Variants in PTPRT observed in about 807,000 individuals in gnomAD.
PTPRT encodes the protein receptor-type tyrosine-protein phosphatase T.
A neutral mutation model predicts 176.8 loss-of-function variants in PTPRT; 56 were observed. The ratio of observed to expected loss-of-function variants is 0.32; its 90% CI spans 0.26 to 0.40. The LOEUF (loss-of-function observed/expected upper bound fraction) is 0.40. Ranked by LOEUF, PTPRT falls within the 10% of genes least tolerant of loss-of-function variation. The pLI, the probability that PTPRT is intolerant of heterozygous loss-of-function variation, is 1.00. For missense variants in PTPRT, 1,540 were observed against 1,908.2 expected (o/e 0.81, Z 3.60); for synonymous variants, 783 against 739.0 (o/e 1.06, Z -0.96).
intron 23 of PTPRT, among the ~76,000 whole-genome samples, chr20:42,109,638 G>GTGTC (rs1986834759): frequency 6.6e-6 from 1 of 152,220 alleles, no homozygotes; most frequent in Admixed American, 6.5e-5. Context: ...CTGAGGGCAA[G>GTGTC]TGTCTGGAGA....
intron 6 of PTPRT, among the ~76,000 whole-genome samples, chr20:42,719,843 G>A (rs772913398): frequency 6.6e-6 from 1 of 152,154 alleles, no homozygotes; most frequent in Non-Finnish European, 1.5e-5. Flanking sequence ...TCCCCAGGTA[G>A]ATGGAAACAC....
chr20:43,004,660 T>A (rs1452007902), intron 1 of PTPRT, among the ~76,000 whole-genome samples: 2 of 152,212 alleles, frequency 1.3e-5, no homozygotes, highest in African/African-American at 2.4e-5. Context: ...TATGAAGATC[T>A]TCCTCACAGC....
At chr20:42,498,246 T>TC (rs1337246115) in intron 7 of PTPRT, among the ~76,000 whole-genome samples, 2 of 152,152 alleles carry the variant, frequency 1.3e-5, no homozygotes, top group African/African-American at 2.4e-5. Flanking sequence ...GAACAGACTT[T>TC]CCTTTTGGCC....
chr20:42,569,934 G>A (rs959370585), intron 7 of PTPRT, among the ~76,000 whole-genome samples: 4 of 152,244 alleles, frequency 2.6e-5, no homozygotes, highest in Middle Eastern at 6.8e-3. Context: ...GCTGACTATT[G>A]CAAACTACTA....
chr20:42,127,833 G>A (rs1261161086), intron 19 of PTPRT, among the ~76,000 whole-genome samples: 1 of 152,184 alleles, frequency 6.6e-6, no homozygotes, highest in Non-Finnish European at 1.5e-5. Flanking sequence ...GAATATTGAA[G>A]CAGCCTCTTT....
intron 1 of PTPRT, among the ~76,000 whole-genome samples, chr20:43,114,519 A>G (rs2012982285): frequency 6.6e-6 from 1 of 152,212 alleles, no homozygotes; most frequent in African/African-American, 2.4e-5. Flanking sequence ...CATAGTCGGT[A>G]ACTTCTAAAT....
chr20:43,183,347 G>T (rs2015313186), intron 1 of PTPRT, among the ~76,000 whole-genome samples: 1 of 152,130 alleles, frequency 6.6e-6, no homozygotes, highest in African/African-American at 2.4e-5. Context: ...CAATTTACAG[G>T]TATTATCTCC....
intron 1 of PTPRT, among the ~76,000 whole-genome samples, chr20:42,991,240 C>A (rs956391111): frequency 1.1e-4 from 17 of 152,170 alleles, no homozygotes; most frequent in Middle Eastern, 3.4e-3. Flanking sequence ...ATGAAATAAT[C>A]ATAGAGGCCA....
rs1321497377 is a variant in PTPRT at position 42,079,227 on chromosome 20, T to C, written c.*1652A>G. 4.8e-6 allele frequency: 1 copy of C among 208,492 alleles called. No homozygotes were observed. The allele number at this position is 208,492 out of a possible 1,614,324, so 12.9% of individuals were successfully genotyped here. On this transcript the variant is annotated 3_prime_UTR_variant, in exon 31 of 31. Transcript: ENST00000373187. ...GCTGGGAATGTGTTACTAAAATATA[T>C]CTGAAATTCTGCGCTTCCCAGAAGA... is the stretch of plus-strand genomic sequence containing the variant.
chr20:42,194,994 C>A (rs1350313659), intron 16 of PTPRT, among the ~76,000 whole-genome samples: 1 of 151,714 alleles, frequency 6.6e-6, no homozygotes, highest in South Asian at 2.1e-4. Flanking sequence ...CATCACACAC[C>A]GGGGCCTGTT....
Position 42,073,431 on chromosome 20 carries a change from G to A in PTPRT, c.*7448C>T, listed in dbSNP as rs3746539. On this transcript the variant is annotated 3_prime_UTR_variant, in exon 31 of 31. Coordinates refer to ENST00000373187, the MANE Select transcript of PTPRT (RefSeq NM_007050.6). ...GAGTTACTGTGCTTTTGCTTTTGCAGTGTGCTCCAACAGGCCTTGAATAGG... is the reference window on the plus strand; with the variant it reads ...GAGTTACTGTGCTTTTGCTTTTGCAATGTGCTCCAACAGGCCTTGAATAGG... 0.52 allele frequency: 102,312 copies of A among 197,270 alleles called. 28,745 individuals are homozygous for A. Among genetic ancestry groups the A allele is most frequent in the African/African-American group, 0.78 (33,865 of 43,454 alleles). The allele number at this position is 197,270 out of a possible 1,614,324, so 12.2% of individuals were successfully genotyped here. A position where few individuals can be genotyped will look rare whatever the true frequency, so the allele number is the denominator to read the frequency against.
intron 7 of PTPRT, among the ~76,000 whole-genome samples, chr20:42,633,204 C>A (rs1016745133): frequency 6.6e-6 from 1 of 152,104 alleles, no homozygotes; most frequent in Non-Finnish European, 1.5e-5. Flanking sequence ...TAGAAACCAT[C>A]TGAAATTGAT....
intron 1 of PTPRT, among the ~76,000 whole-genome samples, chr20:43,147,046 T>C (rs1047663453): frequency 6.6e-6 from 1 of 152,132 alleles, no homozygotes; most frequent in Non-Finnish European, 1.5e-5. Flanking sequence ...ACCAGCTTCA[T>C]CCACTGTCAT....
intron 15 of PTPRT, among the ~76,000 whole-genome samples, chr20:42,232,731 A>T (rs552506760): frequency 6.8e-6 from 1 of 146,970 alleles, no homozygotes; most frequent in South Asian, 2.2e-4. Context: ...CCTTCTGCCC[A>T]GGCTCCTCCA....
At chr20:42,826,461 A>G (rs1025955916) in intron 2 of PTPRT, among the ~76,000 whole-genome samples, 2 of 152,248 alleles carry the variant, frequency 1.3e-5, no homozygotes, top group South Asian at 2.1e-4. Context: ...TGGATAGCCA[A>G]TGATGATGAC....
the PTPRT span, among the ~76,000 whole-genome samples, chr20:42,037,464 G>A: frequency 6.6e-6 from 1 of 152,132 alleles, no homozygotes; most frequent in Non-Finnish European, 1.5e-5. Context: ...CCCCTTTCCT[G>A]CTCTGTGCAA....
intron 7 of PTPRT, among the ~76,000 whole-genome samples, chr20:42,481,968 T>C (rs2071395423): frequency 6.6e-6 from 1 of 152,138 alleles, no homozygotes; most frequent in South Asian, 2.1e-4. Context: ...GTACTAGCTC[T>C]CAATAGCTTG....
intron 2 of PTPRT, among the ~76,000 whole-genome samples, chr20:42,877,079 A>C (rs2078944747): frequency 6.6e-6 from 1 of 152,170 alleles, no homozygotes; most frequent in African/African-American, 2.4e-5. Context: ...ATCTTTTAAA[A>C]AATACGAAGT....
rs182484141 is a variant in PTPRT, at chr20:42,559,457, T to C, written c.1154-86895A>G. On this transcript the variant is annotated intron_variant, in intron 7 of 30. Transcript: ENST00000373187. ...CTGTTTTCTTGTCTCTATGCCATAC[T>C]TTTGTTTTCCAAGAAGTTCATTTGA... Among the ~76,000 whole-genome samples the C allele has an allele frequency of 3.6e-3, 544 of 152,308 alleles. 8 individuals carry two copies. The highest frequency in any genetic ancestry group is 0.012 in the African/African-American group (511 of 41,558).
Sources: gnomAD v4.1 joint callset for allele counts (sites outside exome capture counted in the v4.1 genomes callset) on GRCh38, gnomAD v4.1.1 for gene constraint, MANE v1.5 for transcripts, NCBI Gene and HGNC (gene_info 2026-07-23, HGNC 2026-07-21) for gene names.